ACTN4: variants seen among roughly 807,000 people sequenced by gnomAD.
ACTN4 encodes the protein actinin alpha 4.
ACTN4 carries 18 observed loss-of-function variants against 114.2 expected under a neutral mutation model. The ratio of observed to expected loss-of-function variants is 0.16; its 90% confidence interval spans 0.11 to 0.23. ACTN4 has a LOEUF of 0.23. Ranked by LOEUF, ACTN4 falls within the 10% of genes least tolerant of loss-of-function variation. The probability of loss-of-function intolerance (pLI) is 1.00; values close to 1 mark genes in which losing one functional copy is unlikely to be tolerated. For synonymous variants in ACTN4, 515 were observed against 506.3 expected, an observed-to-expected ratio of 1.02 and a Z score of -0.23; for missense variants, 722 against 1,262.9, an observed-to-expected ratio of 0.57 and a Z score of 6.49.
chr19:38,686,551 G>A (rs568969153), intron 1 of ACTN4, among the ~76,000 whole-genome samples: 1 of 152,316 alleles, frequency 6.6e-6, no homozygotes, highest in African/African-American at 2.4e-5. Flanking sequence ...TTTTAAAACT[G>A]CCTTTTGGGA....
rs1969403105 is a variant in ACTN4 at position 38,729,547 on chromosome 19, G to A, written c.*115G>A. 6.8e-6 allele frequency: 3 copies of A among 442,462 alleles called. No individual in the cohort carries two copies. Among genetic ancestry groups the A allele is most frequent in the Admixed American group, 4.8e-5 (2 of 41,352 alleles). 27.4% of individuals were successfully genotyped at this position (442,462 alleles called of 1,614,324 possible). A position where few individuals can be genotyped will look rare whatever the true frequency, so the allele number is the denominator to read the frequency against. ...CAAAGCACTCTCTGCAGTCCTCCGGGGTGGGTGGGTGGGCAGGGAGGGGCT... is the reference window on the plus strand; with the variant it reads ...CAAAGCACTCTCTGCAGTCCTCCGGAGTGGGTGGGTGGGCAGGGAGGGGCT... On this transcript the variant is annotated 3_prime_UTR_variant, in exon 21 of 21. Coordinates refer to ENST00000252699, the MANE Select transcript of ACTN4 (RefSeq NM_004924.6).
At chr19:38,719,203 GT>G (rs1968949902) in intron 11 of ACTN4, among the ~76,000 whole-genome samples, 1 of 152,212 alleles carries the variant, frequency 6.6e-6, no homozygotes, top group Admixed American at 6.5e-5. Flanking sequence ...AAAGCTGCCA[GT>G]GCCTGGGAGA....
At chr19:38,725,550 C>T (rs765066162) in intron 16 of ACTN4, among the ~76,000 whole-genome samples, 174 bp from the exon 17 acceptor site, 16 of 152,186 alleles carry the variant, frequency 1.1e-4, no homozygotes, top group Non-Finnish European at 2.1e-4. Context: ...AGGGCAGGAC[C>T]GGAGGGGACA....
At chr19:38,725,608 C>G in intron 16 of ACTN4, 116 bp from the exon 17 acceptor site, 2 of 1,244,528 alleles carry the variant, frequency 1.6e-6, no homozygotes, top group Non-Finnish European at 2.3e-6. Flanking sequence ...GGCCAAGGCC[C>G]CAGGCCAAAG....
rs971063253 is a variant in ACTN4 at position 38,730,115 on chromosome 19, CAAAACAACA to C, written c.*689_*697del. The C allele has an allele frequency of 4.0e-5, 4 of 100,944 alleles. No individual in the cohort carries two copies. Among genetic ancestry groups the C allele is most frequent in the Admixed American group, 3.7e-4 (4 of 10,674 alleles). 6.3% of individuals were successfully genotyped at this position (100,944 alleles called of 1,614,324 possible). On this transcript the variant is annotated 3_prime_UTR_variant, in exon 21 of 21. Transcript: ENST00000252699. The stretch of plus-strand genomic sequence containing the variant: ...CAAAAAAAAAAAAGGAAAAAAAACA[CAAAACAACA>C]AAAACCAAAAAAAAAAAAAATCACA...
At position 38,727,719 on chromosome 19, in the gene ACTN4, G is replaced by T. The variant is rs748309377; in HGVS notation, c.2338-227G>T. 1 of 590,796 alleles carries T rather than the reference G, an allele frequency of 1.7e-6. No individual in the cohort carries two copies. The highest frequency in any genetic ancestry group is 3.0e-6 in the Non-Finnish European group (1 of 329,556). 36.6% of individuals were successfully genotyped at this position (590,796 alleles called of 1,614,324 possible). A position where few individuals can be genotyped will look rare whatever the true frequency, so the allele number is the denominator to read the frequency against. ...CTGCTGTGGGCAGAGAGGTCGGGGA[G>T]GCCTCTGCCTTCCTTTGAGCTTCCG... On this transcript the variant is annotated intron_variant, in intron 18 of 20. Transcript: ENST00000252699. The surrounding 1 kb of genome is among the most constrained non-coding windows in gnomAD (Gnocchi z 5.4).
chr19:38,694,832 C>G (rs1055578518), intron 1 of ACTN4, among the ~76,000 whole-genome samples: 1 of 152,080 alleles, frequency 6.6e-6, no homozygotes, highest in Non-Finnish European at 1.5e-5. Context: ...GCATAATTAC[C>G]TTTAATATGT....
At chr19:38,718,106 C>T (rs1968907705) in intron 11 of ACTN4, 32 bp downstream of exon 11, 2 of 1,582,882 alleles carry the variant, frequency 1.3e-6, no homozygotes, top group East Asian at 2.3e-5. Flanking sequence ...CTCTGCCCAG[C>T]CCCGCTCCCG....
In ACTN4 at chr19:38,729,875, G is replaced by GCGC. The variant is rs1969422800; in HGVS notation, c.*445_*447dup. ...GGGCCATGCGAGGGGCCAGCAGAGG[G>GCGC]CGCCACCACCACCTGACGGCTGGGG... On this transcript the variant is annotated 3_prime_UTR_variant, in exon 21 of 21. Coordinates refer to ENST00000252699, the MANE Select transcript of ACTN4 (RefSeq NM_004924.6). 2.8e-6 allele frequency: 1 copy of GCGC among 359,472 alleles called. No individual in the cohort carries two copies. The highest frequency in any genetic ancestry group is 5.5e-6 in the Non-Finnish European group (1 of 182,206). 22.3% of individuals were successfully genotyped at this position (359,472 alleles called of 1,614,324 possible).
intron 1 of ACTN4, among the ~76,000 whole-genome samples, chr19:38,661,296 GACGGCAGA>G (rs2144849565): frequency 6.6e-6 from 1 of 152,318 alleles, no homozygotes; most frequent in South Asian, 2.1e-4. Context: ...GGAACCCCAA[GACGGCAGA>G]ACATGAATCA....
At chr19:38,706,854 A>G (rs766439420) in intron 5 of ACTN4, among the ~76,000 whole-genome samples, 3 of 152,246 alleles carry the variant, frequency 2.0e-5, no homozygotes, top group Admixed American at 2.0e-4. Flanking sequence ...TGCTTCCCTC[A>G]GGGTGAGCGG....
intron 8 of ACTN4, among the ~76,000 whole-genome samples, chr19:38,711,597 C>G (rs931672872): frequency 2.0e-5 from 3 of 152,214 alleles, no homozygotes; most frequent in African/African-American, 7.2e-5. Flanking sequence ...ACAGCCCACC[C>G]TGGGAGGTGG....
intron 19 of ACTN4, chr19:38,728,410 GCTCCTCCTCCTCCTCCTCCTCCTC>G (rs371829169): frequency 2.5e-5 from 19 of 771,998 alleles, no homozygotes; most frequent in African/African-American, 1.3e-4. Flanking sequence ...CCAGCCACCC[GCTCCTCCTCCTCCTCCTCCTCCTC>G]CTCCTCCTCC....
intron 1 of ACTN4, among the ~76,000 whole-genome samples, chr19:38,684,621 G>A (rs957686326): frequency 6.6e-6 from 1 of 152,246 alleles, no homozygotes; most frequent in Admixed American, 6.5e-5. Context: ...TGAGAGTGTA[G>A]CCCTGTTCCT....
Position 38,730,823 on chromosome 19 carries a change from T to C in ACTN4, c.*1391T>C. 1 of 1,550,552 alleles carries C rather than the reference T, an allele frequency of 6.4e-7. No homozygotes were observed. The highest frequency in any genetic ancestry group is 8.7e-7 in the Non-Finnish European group (1 of 1,147,036). Reference sequence around the variant, plus strand: ...GTGGTCTTGCTCAGCAACCCTGCCCTGAGCAGCAGGTGCGCCCATCCGGAG... The same window carrying C: ...GTGGTCTTGCTCAGCAACCCTGCCCCGAGCAGCAGGTGCGCCCATCCGGAG... On this transcript the variant is annotated 3_prime_UTR_variant, in exon 21 of 21. Coordinates refer to ENST00000252699, the MANE Select transcript of ACTN4 (RefSeq NM_004924.6).
At position 38,724,045 on chromosome 19, in the gene ACTN4, A is replaced by G. The variant is rs1792855958; in HGVS notation, c.1660A>G (p.Met554Val). ...MESAMEDLQD[M>V]FIVHTIEEIE... ...GAGCGCCATGGAGGACCTCCAGGAC[A>G]TGTTCATCGTCCATACCATCGAGGA... The change falls in exon 14 of 21, where the codon ATG (methionine) becomes GTG (valine). Residue 554 changes from methionine to valine, a missense_variant. By Grantham distance (21) the Met-to-Val change is conservative (BLOSUM62 1). Around this residue, in one of 3 missense-constraint regions of ACTN4, gnomAD observed 523 missense variants for 875.9 expected, o/e 0.60. Coordinates refer to ENST00000252699, the MANE Select transcript of ACTN4 (RefSeq NM_004924.6). This position sits in a 1 kb window ranked among gnomAD's most constrained non-coding sequence, Gnocchi z 7.0. 2 of 1,613,806 alleles carry G rather than the reference A, an allele frequency of 1.2e-6. No homozygotes were observed. The highest frequency in any genetic ancestry group is 1.7e-6 in the Non-Finnish European group (2 of 1,179,992).
chr19:38,730,516 A>ATATT lies in ACTN4; in HGVS notation c.*1086_*1089dup, dbSNP rs1969500862. The ATATT allele has an allele frequency of 7.9e-6, 3 of 377,392 alleles. No individual in the cohort carries two copies. The East Asian group carries it at 1.4e-4, about 18-fold the overall frequency. 23.4% of individuals were successfully genotyped at this position (377,392 alleles called of 1,614,324 possible). A position where few individuals can be genotyped will look rare whatever the true frequency, so the allele number is the denominator to read the frequency against. ...TGGGGACAGGATAATAAAACATGTAATATTTTTAAGAAGGATTCCTGCAGC... is the reference window on the plus strand; with the variant it reads ...TGGGGACAGGATAATAAAACATGTAATATTTATTTTTAAGAAGGATTCCTGCAGC... On this transcript the variant is annotated 3_prime_UTR_variant, in exon 21 of 21. Transcript: ENST00000252699.
intron 13 of ACTN4, 34 bp downstream of exon 13, chr19:38,723,756 G>A (rs372773075): frequency 1.9e-6 from 3 of 1,555,570 alleles, no homozygotes; most frequent in South Asian, 2.3e-5. Context: ...ACGGAGCTCT[G>A]TGCCCCTGCT....
At chr19:38,660,532 A>AT (rs1477889204) in intron 1 of ACTN4, among the ~76,000 whole-genome samples, 2 of 151,950 alleles carry the variant, frequency 1.3e-5, no homozygotes, top group Non-Finnish European at 2.9e-5. Context: ...AGTAGCTGGG[A>AT]TTACAGGCAC....
Sources: allele counts gnomAD v4.1 joint callset (sites outside exome capture counted in the v4.1 genomes callset), GRCh38; gene constraint gnomAD v4.1.1; regional missense constraint gnomAD v4.1.1; non-coding constraint Gnocchi (gnomAD v3.1); transcripts MANE v1.5; gene names NCBI Gene and HGNC (gene_info 2026-07-23, HGNC 2026-07-21).